VKORC1L1: variants seen among roughly 807,000 people sequenced by gnomAD.
VKORC1L1 encodes vitamin K epoxide reductase complex subunit 1L1, also known as vitamin K epoxide reductase complex subunit 1-like protein 1.
A neutral mutation model predicts 18.9 loss-of-function variants in VKORC1L1; 2 were observed. The ratio of observed to expected loss-of-function variants is 0.11; its 90% confidence interval spans 0.04 to 0.33. The LOEUF (loss-of-function observed/expected upper bound fraction) is 0.33, where lower values mean the gene tolerates loss of function less well. VKORC1L1 is among the 10% of genes least tolerant of loss of function. The pLI is 1.00. For synonymous variants in VKORC1L1, 96 were observed against 100.0 expected (o/e 0.96, Z 0.24); for missense variants, 123 against 224.1 (o/e 0.55, Z 2.88).
At chr7:65,901,629 CAG>C (rs892376370) in intron 1 of VKORC1L1, among the ~76,000 whole-genome samples, 23 of 152,092 alleles carry the variant, frequency 1.5e-4, no homozygotes, top group Non-Finnish European at 4.4e-5. Context: ...GGAAGTCAAA[CAG>C]AGCATGGTGT....
Position 65,958,081 on chromosome 7 carries a change from CTT to C in VKORC1L1, c.*3785_*3786del, listed in dbSNP as rs1790329261. 1.3e-5 allele frequency: 2 copies of C among 152,268 alleles called. No individual in the cohort carries two copies. The highest frequency in any genetic ancestry group is 4.1e-4 in the South Asian group (2 of 4,824). The allele number at this position is 152,268 out of a possible 1,614,324, so 9.4% of individuals were successfully genotyped here. ...TAATATGCAATTTCTGTCCTCGTGT[CTT>C]TTTCTCTAACACACAGTCATGGGTG... is the stretch of plus-strand genomic sequence containing the variant. On this transcript the variant is annotated 3_prime_UTR_variant, in exon 3 of 3. Transcript: ENST00000360768.
At chr7:65,879,379 T>C (rs1788884732) in intron 1 of VKORC1L1, among the ~76,000 whole-genome samples, 1 of 152,160 alleles carries the variant, frequency 6.6e-6, no homozygotes, top group Admixed American at 6.6e-5. Flanking sequence ...TAGAGAAATA[T>C]CACAAGGAAG....
At chr7:65,887,400 G>C (rs1480287265) in intron 1 of VKORC1L1, among the ~76,000 whole-genome samples, 1 of 151,918 alleles carries the variant, frequency 6.6e-6, no homozygotes, top group Admixed American at 6.6e-5. Flanking sequence ...TATTAAATGA[G>C]TTTTTCAAAA....
chr7:65,895,623 G>A (rs1318495636), intron 1 of VKORC1L1, among the ~76,000 whole-genome samples: 5 of 148,864 alleles, frequency 3.4e-5, no homozygotes, highest in Non-Finnish European at 5.9e-5. Context: ...ATGAAAGAAC[G>A]AAAATGAAAC....
At position 65,958,791 on chromosome 7, in the gene VKORC1L1, T is replaced by C. The variant is rs1278740672; in HGVS notation, c.*4491T>C. On this transcript the variant is annotated 3_prime_UTR_variant, in exon 3 of 3. Coordinates refer to ENST00000360768, the MANE Select transcript of VKORC1L1 (RefSeq NM_173517.6). ...GGTGTATGTGATTGTCAAGAATTAA[T>C]GACAAAAATGTGTCACTGCCTACAG... The C allele has an allele frequency of 6.6e-6, 1 of 152,250 alleles. No homozygotes were observed. The highest frequency in any genetic ancestry group is 1.9e-4 in the East Asian group (1 of 5,202). The allele number at this position is 152,250 out of a possible 1,614,324, so 9.4% of individuals were successfully genotyped here. A position where few individuals can be genotyped will look rare whatever the true frequency, so the allele number is the denominator to read the frequency against.
In VKORC1L1 at chr7:65,955,461, C is replaced by T. The variant is rs1253151549; in HGVS notation, c.*1161C>T. On this transcript the variant is annotated 3_prime_UTR_variant, in exon 3 of 3. Coordinates refer to ENST00000360768, the MANE Select transcript of VKORC1L1 (RefSeq NM_173517.6). The stretch of plus-strand genomic sequence containing the variant: ...GTTTGCTTCATCGGGAGAATAGCAA[C>T]AGGTAGACACATCTCAAGGCTAAAT... 2 of 152,236 alleles carry T rather than the reference C, an allele frequency of 1.3e-5. No homozygotes were observed. Among genetic ancestry groups the T allele is most frequent in the Admixed American group, 6.5e-5 (1 of 15,280 alleles). The allele number at this position is 152,236 out of a possible 1,614,324, so 9.4% of individuals were successfully genotyped here. A position where few individuals can be genotyped will look rare whatever the true frequency, so the allele number is the denominator to read the frequency against.
chr7:65,881,936 C>T (rs1218290430), intron 1 of VKORC1L1, among the ~76,000 whole-genome samples: 1 of 150,816 alleles, frequency 6.6e-6, no homozygotes, highest in Non-Finnish European at 1.5e-5. Flanking sequence ...AAAAATTAGC[C>T]GGGCATGGTA....
chr7:65,949,918 G>A (rs1156712741), intron 2 of VKORC1L1, among the ~76,000 whole-genome samples: 3 of 152,138 alleles, frequency 2.0e-5, no homozygotes, highest in African/African-American at 7.2e-5. Context: ...AAGACCTCCT[G>A]CTCCTTCCTT....
intron 1 of VKORC1L1, among the ~76,000 whole-genome samples, chr7:65,890,933 T>A (rs920814246): frequency 1.3e-5 from 2 of 152,172 alleles, no homozygotes; most frequent in Non-Finnish European, 2.9e-5. Flanking sequence ...AATATTTCCG[T>A]CACCCAGAAA....
chr7:65,907,901 AT>A (rs1165538923), intron 1 of VKORC1L1, among the ~76,000 whole-genome samples: 1 of 150,772 alleles, frequency 6.6e-6, no homozygotes, highest in East Asian at 1.9e-4. Flanking sequence ...TTTTTCCCGT[AT>A]CAAAGACAAC....
chr7:65,897,701 T>A (rs959633692), intron 1 of VKORC1L1, among the ~76,000 whole-genome samples: 1 of 151,958 alleles, frequency 6.6e-6, no homozygotes, highest in Admixed American at 6.6e-5. Flanking sequence ...TAATCTTTTT[T>A]TTTTTTTTTT....
chr7:65,946,397 T>A (rs1790119418), intron 1 of VKORC1L1, among the ~76,000 whole-genome samples: 1 of 152,146 alleles, frequency 6.6e-6, no homozygotes, highest in Non-Finnish European at 1.5e-5. Flanking sequence ...TGCCCACAGC[T>A]ATGGATCTCC....
chr7:65,932,366 G>C (rs1480171533), intron 1 of VKORC1L1, among the ~76,000 whole-genome samples: 1 of 152,194 alleles, frequency 6.6e-6, no homozygotes, highest in East Asian at 1.9e-4. Flanking sequence ...CCAGAGTGCT[G>C]AGATTACAGG....
Position 65,954,718 on chromosome 7 carries a change from T to A in VKORC1L1, c.*418T>A. 1 of 190,596 alleles carries A rather than the reference T, an allele frequency of 5.2e-6. No homozygotes were observed. The highest frequency in any genetic ancestry group is 1.1e-5 in the Non-Finnish European group (1 of 92,802). 11.8% of individuals were successfully genotyped at this position (190,596 alleles called of 1,614,324 possible). A position where few individuals can be genotyped will look rare whatever the true frequency, so the allele number is the denominator to read the frequency against. Reference sequence around the variant, plus strand: ...AGATACTGTATTAAATATTGCCATGTTTACAATATGTAATATGTTTTTAGC... The same window carrying A: ...AGATACTGTATTAAATATTGCCATGATTACAATATGTAATATGTTTTTAGC... On this transcript the variant is annotated 3_prime_UTR_variant, in exon 3 of 3. Transcript: ENST00000360768.
At chr7:65,919,164 G>T (rs1370731736) in intron 1 of VKORC1L1, among the ~76,000 whole-genome samples, 5 of 152,082 alleles carry the variant, frequency 3.3e-5, no homozygotes, top group Non-Finnish European at 5.9e-5. Flanking sequence ...AGAAGCTCAG[G>T]TCCCCATAGT....
intron 1 of VKORC1L1, among the ~76,000 whole-genome samples, chr7:65,918,503 G>A (rs1338698363): frequency 6.6e-6 from 1 of 152,194 alleles, no homozygotes; most frequent in Non-Finnish European, 1.5e-5. Context: ...GCTTTCTGGT[G>A]GTCTGGGTTG....
rs111778068 is a variant in VKORC1L1, at chr7:65,902,074, A to C, written c.194+28509A>C. Among the ~76,000 whole-genome samples the C allele has an allele frequency of 2.5e-3, 382 of 152,344 alleles. 3 individuals carry two copies. The highest frequency in any genetic ancestry group is 8.7e-3 in the African/African-American group (362 of 41,578). On this transcript the variant is annotated intron_variant, in intron 1 of 2. Coordinates refer to ENST00000360768, the MANE Select transcript of VKORC1L1 (RefSeq NM_173517.6). ...AACAAAGTCCAGCCCTATTTAAAGA[A>C]AAACACAAAATCCAACACCCAAAAC...
Position 65,956,201 on chromosome 7 carries a change from G to A in VKORC1L1, c.*1901G>A, listed in dbSNP as rs757915776. On this transcript the variant is annotated 3_prime_UTR_variant, in exon 3 of 3. Coordinates refer to ENST00000360768, the MANE Select transcript of VKORC1L1 (RefSeq NM_173517.6). ...TGTCTATGGAGAAAGAAGTCCTCAC[G>A]TTTGAGGGCTGTACAGTGAGGCCAT... The A allele has an allele frequency of 3.9e-5, 6 of 152,186 alleles. No individual in the cohort carries two copies. Among genetic ancestry groups the A allele is most frequent in the Non-Finnish European group, 5.9e-5 (4 of 68,054 alleles). The allele number at this position is 152,186 out of a possible 1,614,324, so 9.4% of individuals were successfully genotyped here.
chr7:65,941,312 C>G (rs150431614), intron 1 of VKORC1L1, among the ~76,000 whole-genome samples: 1 of 152,066 alleles, frequency 6.6e-6, no homozygotes, highest in East Asian at 1.9e-4. Flanking sequence ...GACAGAGTCT[C>G]ATAATGTTGC....
Sources: gnomAD v4.1 joint callset for allele counts (sites outside exome capture counted in the v4.1 genomes callset) on GRCh38, gnomAD v4.1.1 for gene constraint, MANE v1.5 for transcripts, NCBI Gene and HGNC (gene_info 2026-07-23, HGNC 2026-07-21) for gene names.